Variants in STARD7 observed in about 807,000 individuals in gnomAD.
STARD7 encodes the protein StAR related lipid transfer domain containing 7, also known as stAR-related lipid transfer protein 7, mitochondrial.
Under a neutral mutation model 45.3 loss-of-function variants are expected in STARD7, and 30 were observed. The ratio of observed to expected loss-of-function variants is 0.66; its 90% CI spans 0.50 to 0.90. The LOEUF (loss-of-function observed/expected upper bound fraction) is 0.90. STARD7 is among the 40% of genes least tolerant of loss of function. The pLI is 0.00. For missense variants in STARD7, 495 were observed against 491.3 expected (o/e 1.01, Z -0.07); for synonymous variants, 199 against 183.0 (o/e 1.09, Z -0.70).
chr2:96,204,684 T>G (rs1423898931), intron 1 of STARD7, among the ~76,000 whole-genome samples: 1 of 148,042 alleles, frequency 6.8e-6, no homozygotes, highest in Non-Finnish European at 1.5e-5. Flanking sequence ...TAATTTTATG[T>G]AGCTCTGAAG....
chr2:96,203,447 A>C (rs1433977396), intron 1 of STARD7, among the ~76,000 whole-genome samples: 1 of 152,258 alleles, frequency 6.6e-6, no homozygotes, highest in Admixed American at 6.5e-5. Context: ...GAAAGCAAAC[A>C]AACCATGAAA....
chr2:96,205,719 T>C (rs1041233756), intron 1 of STARD7, among the ~76,000 whole-genome samples: 1 of 152,184 alleles, frequency 6.6e-6, no homozygotes, highest in Non-Finnish European at 1.5e-5. Flanking sequence ...ACCCAGAATA[T>C]TTTAATAAAA....
intron 1 of STARD7, among the ~76,000 whole-genome samples, chr2:96,206,938 A>G (rs569436974): frequency 6.6e-6 from 1 of 152,180 alleles, no homozygotes; most frequent in Non-Finnish European, 1.5e-5. Context: ...GACTGTGATT[A>G]TAACCAATGG....
Position 96,208,789 on chromosome 2 carries a change from C to A in STARD7, c.-355G>T, listed in dbSNP as rs752414993. On this transcript the variant is annotated 5_prime_UTR_variant, in exon 1 of 8. Coordinates refer to ENST00000337288, the MANE Select transcript of STARD7 (RefSeq NM_020151.4). ...AGAAACGAGACAGACAGCTCAGGCC[C>A]AGCAGCACGCAAGCTCCCGCGCCTT... 2.5e-6 allele frequency: 1 copy of A among 403,558 alleles called. No homozygotes were observed. The highest frequency in any genetic ancestry group is 3.6e-5 in the East Asian group (1 of 28,064). The allele number at this position is 403,558 out of a possible 1,614,324, so 25.0% of individuals were successfully genotyped here.
At chr2:96,187,066 T>C (rs990948634) in intron 7 of STARD7, 151 bp downstream of exon 7, 33 of 878,692 alleles carry the variant, frequency 3.8e-5, no homozygotes, top group Non-Finnish European at 4.7e-5. Flanking sequence ...CCTCCCGGAA[T>C]GTGTTCCCAA....
At chr2:96,206,831 C>G (rs1573948794) in intron 1 of STARD7, among the ~76,000 whole-genome samples, 1 of 139,366 alleles carries the variant, frequency 7.2e-6, no homozygotes, top group Non-Finnish European at 1.6e-5. Context: ...AAAAGTGGAA[C>G]ACGGACATTT....
Position 96,195,565 on chromosome 2 carries a change from A to C in STARD7, c.291-16T>G, listed in dbSNP as rs772107803. 1.9e-6 allele frequency: 3 copies of C among 1,602,922 alleles called. No homozygotes were observed. The highest frequency in any genetic ancestry group is 8.5e-7 in the Non-Finnish European group (1 of 1,171,868). On this transcript the variant is annotated splice_polypyrimidine_tract_variant and intron_variant, in intron 1 of 7. Transcript: ENST00000337288. The stretch of plus-strand genomic sequence containing the variant: ...ATTAATAGATCTGTAAAGGGGAAAA[A>C]GAGCCATGGTGAGGTGGTTAGTCAG...
chr2:96,197,555 T>C (rs925410114), intron 1 of STARD7, among the ~76,000 whole-genome samples: 2 of 152,256 alleles, frequency 1.3e-5, no homozygotes, highest in Non-Finnish European at 1.5e-5. Flanking sequence ...TAAGTATGTA[T>C]GTATTTTTCC....
At chr2:96,193,841 A>C (rs1182188855) in intron 3 of STARD7, among the ~76,000 whole-genome samples, 1 of 152,250 alleles carries the variant, frequency 6.6e-6, no homozygotes, top group African/African-American at 2.4e-5. Context: ...ATTCACTACA[A>C]ATTAACAAGA....
At chr2:96,195,592 C>T (rs909400206) in intron 1 of STARD7, 43 bp from the exon 2 acceptor site, 1 of 1,513,900 alleles carries the variant, frequency 6.6e-7, no homozygotes, top group African/African-American at 1.4e-5. Flanking sequence ...GTTAGTCAGC[C>T]CTGTGAAATG....
intron 1 of STARD7, among the ~76,000 whole-genome samples, chr2:96,203,365 C>T (rs1388813779): frequency 6.6e-6 from 1 of 152,128 alleles, no homozygotes; most frequent in Non-Finnish European, 1.5e-5. Context: ...AAAGAGAGAC[C>T]ATGCCTTTCT....
chr2:96,185,044 C>T lies in STARD7; in HGVS notation c.*1686G>A, dbSNP rs1302636018. ...GCACTTGTGCATGTGTGTGCGCTCG[C>T]AGACGCACACACACACACACATATT... is the stretch of plus-strand genomic sequence containing the variant. On this transcript the variant is annotated 3_prime_UTR_variant, in exon 8 of 8. Coordinates refer to ENST00000337288, the MANE Select transcript of STARD7 (RefSeq NM_020151.4). 6.6e-6 allele frequency: 1 copy of T among 152,562 alleles called. No individual in the cohort carries two copies. The highest frequency in any genetic ancestry group is 1.5e-5 in the Non-Finnish European group (1 of 68,044). The allele number at this position is 152,562 out of a possible 1,614,324, so 9.5% of individuals were successfully genotyped here.
At chr2:96,206,359 C>G (rs1208643843) in intron 1 of STARD7, among the ~76,000 whole-genome samples, 2 of 152,198 alleles carry the variant, frequency 1.3e-5, no homozygotes, top group African/African-American at 4.8e-5. Context: ...CCTTTCCTCT[C>G]TTTTGTACCC....
intron 1 of STARD7, among the ~76,000 whole-genome samples, chr2:96,201,797 A>AAT (rs1011776490): frequency 9.9e-5 from 15 of 152,120 alleles, no homozygotes; most frequent in Admixed American, 4.6e-4. Flanking sequence ...CTGTCTCAAA[A>AAT]ATATATATAT....
At chr2:96,195,265 T>C (rs1683183947) in intron 2 of STARD7, 76 bp downstream of exon 2, 1 of 1,305,586 alleles carries the variant, frequency 7.7e-7, no homozygotes, top group African/African-American at 1.5e-5. Flanking sequence ...CAGAACAGTT[T>C]AGAGAAGTAT....
chr2:96,188,040 C>G (rs1032007621), intron 6 of STARD7: 1 of 151,962 alleles, frequency 6.6e-6, no homozygotes, highest in Admixed American at 6.6e-5. Flanking sequence ...CTTTGGGAGC[C>G]CAAGGCAGGC....
intron 1 of STARD7, among the ~76,000 whole-genome samples, chr2:96,203,209 C>T (rs1283470399): frequency 1.3e-5 from 2 of 152,208 alleles, no homozygotes; most frequent in African/African-American, 4.8e-5. Flanking sequence ...TCTCATGACA[C>T]ATCTCTTTAG....
intron 6 of STARD7, among the ~76,000 whole-genome samples, chr2:96,191,902 T>G (rs1426781935): frequency 3.9e-5 from 6 of 151,958 alleles, no homozygotes; most frequent in Non-Finnish European, 2.9e-5. Context: ...ACAAAACACC[T>G]CATTAGGCTG....
chr2:96,199,413 GTATT>G (rs1328860258), intron 1 of STARD7, among the ~76,000 whole-genome samples: 2 of 152,044 alleles, frequency 1.3e-5, no homozygotes, highest in African/African-American at 2.4e-5. Flanking sequence ...TTATTCGTAT[GTATT>G]TATTCCTTTT....
Sources: gnomAD v4.1 joint callset for allele counts (sites outside exome capture counted in the v4.1 genomes callset) on GRCh38, gnomAD v4.1.1 for gene constraint, MANE v1.5 for transcripts, NCBI Gene and HGNC (gene_info 2026-07-23, HGNC 2026-07-21) for gene names.